The following SCMH1 variants were observed in gnomAD, a reference collection of about 807,000 sequenced individuals.
SCMH1 encodes the protein Scm polycomb group protein homolog 1, also known as polycomb protein SCMH1.
In SCMH1, 37 loss-of-function variants were observed where a neutral mutation model predicts 70.8. That is an observed-to-expected ratio of 0.52 (90% confidence interval 0.40 to 0.69). The LOEUF is 0.69. Among genes scored for constraint, SCMH1 ranks in the 30% least tolerant of loss-of-function variants. SCMH1 has a pLI of 0.00. For synonymous variants in SCMH1, 292 were observed against 307.4 expected (o/e 0.95, Z 0.52); for missense variants, 607 against 827.3 (o/e 0.73, Z 3.27).
chr1:41,143,452 C>T (rs1291974647), intron 5 of SCMH1, among the ~76,000 whole-genome samples: 16 of 152,068 alleles, frequency 1.1e-4, no homozygotes, highest in Admixed American at 9.2e-4. Flanking sequence ...AGGACTACTA[C>T]GTCCTATTAA....
At chr1:41,106,290 TC>T (rs1349708002) in intron 8 of SCMH1, among the ~76,000 whole-genome samples, 2 of 151,678 alleles carry the variant, frequency 1.3e-5, no homozygotes, top group African/African-American at 4.9e-5. Context: ...GGGGGTGGAT[TC>T]CTCAGGGTGT....
chr1:41,210,998 C>A (rs1656887421), intron 1 of SCMH1, among the ~76,000 whole-genome samples: 1 of 152,054 alleles, frequency 6.6e-6, no homozygotes, highest in Admixed American at 6.5e-5. Flanking sequence ...TTCATAGAGA[C>A]AAGCTTTCAC....
intron 2 of SCMH1, among the ~76,000 whole-genome samples, chr1:41,174,132 A>T (rs997172418): frequency 1.6e-4 from 25 of 152,230 alleles, no homozygotes; most frequent in Non-Finnish European, 3.5e-4. Flanking sequence ...GAAGGGATTG[A>T]TATACTAATT....
intron 8 of SCMH1, among the ~76,000 whole-genome samples, chr1:41,078,262 A>C (rs1658973969): frequency 6.6e-6 from 1 of 152,074 alleles, no homozygotes; most frequent in Admixed American, 6.6e-5. Context: ...CACAGTCAAT[A>C]GGTCCAAAAT....
At chr1:41,092,294 T>C (rs1241784966) in intron 8 of SCMH1, among the ~76,000 whole-genome samples, 1 of 152,196 alleles carries the variant, frequency 6.6e-6, no homozygotes, top group Non-Finnish European at 1.5e-5. Flanking sequence ...ATTTAATAAA[T>C]GGTGCTGGGA....
At chr1:41,204,358 AGATCATATC>A (rs1302844623) in intron 1 of SCMH1, among the ~76,000 whole-genome samples, 3 of 152,180 alleles carry the variant, frequency 2.0e-5, no homozygotes, top group Non-Finnish European at 4.4e-5. Flanking sequence ...AAGGTAAGTT[AGATCATATC>A]ACTCTCCAGC....
At chr1:41,202,090 G>T (rs1470480296) in intron 1 of SCMH1, among the ~76,000 whole-genome samples, 1 of 152,116 alleles carries the variant, frequency 6.6e-6, no homozygotes, top group African/African-American at 2.4e-5. Flanking sequence ...TGGCCAGGCT[G>T]GAGTGCAGTG....
Position 41,194,873 on chromosome 1 carries a change from G to C in SCMH1, c.-117-8623C>G, listed in dbSNP as rs1443974260. Among the ~76,000 whole-genome samples the C allele has an allele frequency of 2.6e-5, 4 of 152,046 alleles. No homozygotes were observed. The South Asian group carries it at 8.3e-4, about 32-fold the overall frequency. On this transcript the variant is annotated intron_variant, in intron 1 of 14. Coordinates refer to ENST00000337495, the Ensembl canonical transcript of SCMH1. ...AAGAGCCAGATAGGCTGGGCATGGT[G>C]GCTCATGCCTATAATCCCAGCACTT...
intron 6 of SCMH1, among the ~76,000 whole-genome samples, chr1:41,126,927 G>C (rs1056293142): frequency 2.6e-5 from 4 of 152,082 alleles, no homozygotes; most frequent in African/African-American, 9.7e-5. Flanking sequence ...GTTTTTCTCA[G>C]ATACTGATGA....
intron 13 of SCMH1, among the ~76,000 whole-genome samples, chr1:41,034,750 C>T (rs1382112302): frequency 6.6e-6 from 1 of 152,152 alleles, no homozygotes; most frequent in Non-Finnish European, 1.5e-5. Context: ...TCTCCTGGCT[C>T]CCCACTGCTG....
intron 10 of SCMH1, among the ~76,000 whole-genome samples, chr1:41,068,772 T>A (rs1655525615): frequency 6.6e-6 from 1 of 152,152 alleles, no homozygotes; most frequent in Non-Finnish European, 1.5e-5. Context: ...CAAAGTGAAA[T>A]TTTAGGGTAC....
chr1:41,160,924 A>G (rs1227499042), intron 3 of SCMH1, 26 bp from the exon 4 acceptor site: 2 of 1,548,236 alleles, frequency 1.3e-6, no homozygotes, highest in Non-Finnish European at 1.7e-6. Flanking sequence ...ATGTTGGAGC[A>G]TAAGTCATTA....
chr1:41,219,303 A>G (rs141774103), intron 1 of SCMH1, among the ~76,000 whole-genome samples: 1 of 152,344 alleles, frequency 6.6e-6, no homozygotes, highest in East Asian at 1.9e-4. Flanking sequence ...TGTAATAATA[A>G]GAACAGCACT....
intron 10 of SCMH1, among the ~76,000 whole-genome samples, chr1:41,055,189 A>T (rs1030705540): frequency 6.6e-6 from 1 of 152,220 alleles, no homozygotes; most frequent in Admixed American, 6.5e-5. Context: ...TTGGATGCCC[A>T]ACCTTATATA....
intron 10 of SCMH1, among the ~76,000 whole-genome samples, chr1:41,049,697 G>T (rs1647315085): frequency 6.6e-6 from 1 of 150,964 alleles, no homozygotes; most frequent in African/African-American, 2.4e-5. Flanking sequence ...AACCTGGAAG[G>T]TGGAGCTTGC....
chr1:41,198,341 A>G (rs1427228221), intron 1 of SCMH1, among the ~76,000 whole-genome samples: 1 of 152,186 alleles, frequency 6.6e-6, no homozygotes, highest in Non-Finnish European at 1.5e-5. Context: ...GACAAAAAGT[A>G]AGTGTGGACA....
At chr1:41,126,932 T>C (rs1673321245) in intron 6 of SCMH1, among the ~76,000 whole-genome samples, 1 of 152,158 alleles carries the variant, frequency 6.6e-6, no homozygotes, top group Non-Finnish European at 1.5e-5. Flanking sequence ...TCTCAGATAC[T>C]GATGAATTGT....
intron 1 of SCMH1, among the ~76,000 whole-genome samples, chr1:41,198,746 T>C (rs2148709315): frequency 6.6e-6 from 1 of 152,270 alleles, no homozygotes; most frequent in South Asian, 2.1e-4. Flanking sequence ...ACAGAATATG[T>C]CCAATATTTC....
At chr1:41,199,349 G>A (rs942899667) in intron 1 of SCMH1, among the ~76,000 whole-genome samples, 1 of 151,998 alleles carries the variant, frequency 6.6e-6, no homozygotes, top group Non-Finnish European at 1.5e-5. Flanking sequence ...TTCTATCACC[G>A]TAGGTTAGTT....
Sources: allele counts gnomAD v4.1 joint callset (sites outside exome capture counted in the v4.1 genomes callset), GRCh38; gene constraint gnomAD v4.1.1; transcripts MANE v1.5; gene names NCBI Gene and HGNC (gene_info 2026-07-23, HGNC 2026-07-21).